The following VIRMA variants were observed in gnomAD, a reference collection of about 807,000 sequenced individuals.
VIRMA encodes vir like m6A methyltransferase associated, also known as protein virilizer homolog.
Under a neutral mutation model 182.4 loss-of-function variants are expected in VIRMA, and 65 were observed. The ratio of observed to expected loss-of-function variants is 0.36; its 90% CI spans 0.29 to 0.44. The LOEUF is 0.44. VIRMA is among the 20% of genes least tolerant of loss of function. The pLI, the probability that VIRMA is intolerant of heterozygous loss-of-function variation, is 1.00. For synonymous variants in VIRMA, 709 were observed against 743.1 expected, an observed-to-expected ratio of 0.95 and a Z score of 0.75; for missense variants, 1,752 against 2,158.1, an observed-to-expected ratio of 0.81 and a Z score of 3.73.
Position 94,543,097 on chromosome 8 carries a change from G to A in VIRMA, c.179+730C>T, listed in dbSNP as rs189347705. Among the ~76,000 whole-genome samples the A allele has an allele frequency of 2.9e-3, 442 of 151,946 alleles. 2 individuals carry two copies. Among genetic ancestry groups the A allele is most frequent in the Non-Finnish European group, 5.1e-3 (344 of 67,976 alleles). ...CTAATTCTGTATTTTTAGTAGAGAC[G>A]GGGTTTCTCCCTGTTGGCCAGGCTG... is the stretch of plus-strand genomic sequence containing the variant. On this transcript the variant is annotated intron_variant, in intron 2 of 23. Coordinates refer to ENST00000297591, the MANE Select transcript of VIRMA (RefSeq NM_015496.5).
chr8:94,510,205 C>A (rs760882988), intron 14 of VIRMA, among the ~76,000 whole-genome samples: 1 of 152,126 alleles, frequency 6.6e-6, no homozygotes, highest in Admixed American at 6.5e-5. Context: ...TTCAAGATAT[C>A]TTGCACATGA....
In VIRMA at chr8:94,531,063, C is replaced by T. The variant is rs781069574; in HGVS notation, c.507G>A (p.Gln169=). Residue 169 remains glutamine, a synonymous_variant, in exon 6 of 24, where the codon CAG becomes CAA. Coordinates refer to ENST00000297591, the MANE Select transcript of VIRMA (RefSeq NM_015496.5). ...GTGGTCTTGGAGGGCTTCCATTAAACTGATCTTCTTTCTCCCCATCAGCTA... is the reference window on the plus strand; with the variant it reads ...GTGGTCTTGGAGGGCTTCCATTAAATTGATCTTCTTTCTCCCCATCAGCTA... ...PKHADGEKED[Q]FNGSPPRPQP... is the part of the protein sequence containing the mutation. 1.3e-6 allele frequency: 2 copies of T among 1,578,704 alleles called. No homozygotes were observed. The highest frequency in any genetic ancestry group is 2.3e-5 in the East Asian group (1 of 42,618).
In VIRMA at chr8:94,510,656, T is replaced by G. The variant is rs1689701621; in HGVS notation, c.3391-4A>C. 1.3e-6 allele frequency: 2 copies of G among 1,599,198 alleles called. No individual in the cohort carries two copies. Among genetic ancestry groups the G allele is most frequent in the Non-Finnish European group, 1.7e-6 (2 of 1,166,628 alleles). On this transcript the variant is annotated splice_region_variant and splice_polypyrimidine_tract_variant and intron_variant, in intron 13 of 23. Transcript: ENST00000297591. ...ATATATCATGTGGCTCAATAACCTG[T>G]TAAAAAAGTATAATGTGTGTGTACG...
chr8:94,499,663 CAAAG>C (rs1325979029), intron 16 of VIRMA, among the ~76,000 whole-genome samples, 157 bp from the exon 17 acceptor site: 1 of 151,996 alleles, frequency 6.6e-6, no homozygotes, highest in African/African-American at 2.4e-5. Flanking sequence ...ACAAATATAA[CAAAG>C]AACCGTCAAT....
intron 23 of VIRMA, among the ~76,000 whole-genome samples, chr8:94,489,342 A>G (rs993471913): frequency 6.6e-6 from 1 of 152,242 alleles, no homozygotes; most frequent in African/African-American, 2.4e-5. Context: ...CAGTTCAGAA[A>G]CTAAAAATTT....
chr8:94,535,650 C>T (rs1285666616), intron 4 of VIRMA, among the ~76,000 whole-genome samples: 3 of 151,954 alleles, frequency 2.0e-5, no homozygotes, highest in South Asian at 2.1e-4. Flanking sequence ...AGGGTGGTGG[C>T]GGCACCCATA....
intron 2 of VIRMA, among the ~76,000 whole-genome samples, chr8:94,541,363 G>A (rs1383959761): frequency 6.6e-6 from 1 of 151,872 alleles, no homozygotes; most frequent in Non-Finnish European, 1.5e-5. Context: ...GCCTCCCAAA[G>A]TGCTGGGATT....
intron 1 of VIRMA, among the ~76,000 whole-genome samples, chr8:94,544,168 C>T (rs1319780498): frequency 2.6e-5 from 4 of 152,032 alleles, no homozygotes; most frequent in African/African-American, 9.7e-5. Flanking sequence ...TACTTCCCTG[C>T]TGATGTTTTG....
At chr8:94,533,517 T>C (rs1438433835) in intron 5 of VIRMA, 1 of 152,284 alleles carries the variant, frequency 6.6e-6, no homozygotes, top group African/African-American at 2.4e-5. Flanking sequence ...TCATGACTCA[T>C]TGCAGCCTCA....
chr8:94,509,953 C>A lies in VIRMA; in HGVS notation c.3627-13G>T. On this transcript the variant is annotated splice_polypyrimidine_tract_variant and intron_variant, in intron 14 of 23. Transcript: ENST00000297591. The stretch of plus-strand genomic sequence containing the variant: ...ATCTTCTGAAGTGCTGAAATAAAAT[C>A]GATACATTTAGTAAACAAAGTTCTT... 6.3e-7 allele frequency: 1 copy of A among 1,591,354 alleles called. No homozygotes were observed. Among genetic ancestry groups the A allele is most frequent in the South Asian group, 1.1e-5 (1 of 86,996 alleles).
intron 2 of VIRMA, among the ~76,000 whole-genome samples, chr8:94,540,823 C>T (rs942642437): frequency 6.6e-6 from 1 of 152,066 alleles, no homozygotes. Flanking sequence ...GGAAAAAGAG[C>T]TAAAATACAA....
At chr8:94,526,078 C>T in intron 8 of VIRMA, 145 bp downstream of exon 8, 1 of 643,734 alleles carries the variant, frequency 1.6e-6, no homozygotes, top group Non-Finnish European at 2.7e-6. Context: ...CTTCTCAGTT[C>T]CACTACTAAA....
intron 17 of VIRMA, chr8:94,497,334 C>G (rs1422689930): frequency 6.6e-6 from 1 of 152,138 alleles, no homozygotes; most frequent in East Asian, 1.9e-4. Context: ...AAATCCTGGG[C>G]TCAAGCAATC....
intron 16 of VIRMA, among the ~76,000 whole-genome samples, chr8:94,500,689 G>A (rs1248793237): frequency 6.8e-5 from 10 of 147,082 alleles, no homozygotes; most frequent in African/African-American, 2.5e-4. Context: ...GGAGTCTCCG[G>A]TAGTTTCTTT....
chr8:94,533,768 C>G (rs942701956), intron 5 of VIRMA: 1 of 151,960 alleles, frequency 6.6e-6, no homozygotes, highest in Non-Finnish European at 1.5e-5. Context: ...AGATGGGAGT[C>G]TCACTATGTT....
At chr8:94,489,807 G>C in intron 23 of VIRMA, 132 bp downstream of exon 23, 3 of 964,218 alleles carry the variant, frequency 3.1e-6, no homozygotes, top group South Asian at 3.7e-5. Context: ...GTTATACTTA[G>C]ATTTTTGACT....
Position 94,488,558 on chromosome 8 carries a change from G to A in VIRMA, c.*148C>T. On this transcript the variant is annotated 3_prime_UTR_variant, in exon 24 of 24. Coordinates refer to ENST00000297591, the MANE Select transcript of VIRMA (RefSeq NM_015496.5). ...TGGATTTTTATTGAAATCTTGTTAG[G>A]TATCAAACAAATTCTGCTTTCTTCA... is the stretch of plus-strand genomic sequence containing the variant. 1 of 646,412 alleles carries A rather than the reference G, an allele frequency of 1.5e-6. No individual in the cohort carries two copies. Among genetic ancestry groups the A allele is most frequent in the South Asian group, 3.7e-5 (1 of 26,922 alleles). 40.0% of individuals were successfully genotyped at this position (646,412 alleles called of 1,614,324 possible). A position where few individuals can be genotyped will look rare whatever the true frequency, so the allele number is the denominator to read the frequency against.
chr8:94,552,650 T>C (rs1262827054), intron 1 of VIRMA, among the ~76,000 whole-genome samples: 1 of 152,160 alleles, frequency 6.6e-6, no homozygotes, highest in African/African-American at 2.4e-5. Context: ...TAACCAGCTA[T>C]GTTTAATCTA....
chr8:94,495,634 C>G (rs1813747380), intron 19 of VIRMA, 97 bp downstream of exon 19: 8 of 847,816 alleles, frequency 9.4e-6, no homozygotes, highest in Non-Finnish European at 1.4e-5. Flanking sequence ...TTCTTACTAT[C>G]TGGCCCTTTA....
Sources: gnomAD v4.1 joint callset for allele counts (sites outside exome capture counted in the v4.1 genomes callset) on GRCh38, gnomAD v4.1.1 for gene constraint, MANE v1.5 for transcripts, NCBI Gene and HGNC (gene_info 2026-07-23, HGNC 2026-07-21) for gene names.